CDH12: variants seen among roughly 807,000 people sequenced by gnomAD.
The protein encoded by CDH12 is cadherin 12.
A neutral mutation model predicts 74.1 loss-of-function variants in CDH12; 41 were observed. The observed-to-expected ratio is 0.55, with a 90% CI of 0.43 to 0.72. The LOEUF is 0.72. Ranked by LOEUF, CDH12 falls within the 30% of genes least tolerant of loss-of-function variation. The probability of loss-of-function intolerance (pLI) is 0.00; values close to 1 mark genes in which losing one functional copy is unlikely to be tolerated. For synonymous variants in CDH12, 399 were observed against 355.0 expected (o/e 1.12, Z -1.39); for missense variants, 945 against 977.2 (o/e 0.97, Z 0.44).
At chr5:22,582,717 A>T (rs751299683) in intron 1 of CDH12, among the ~76,000 whole-genome samples, 1 of 152,176 alleles carries the variant, frequency 6.6e-6, no homozygotes, top group East Asian at 1.9e-4. Context: ...ATTACTATGT[A>T]ACACATTAGG....
chr5:22,525,949 G>A (rs1737254076), intron 1 of CDH12, among the ~76,000 whole-genome samples: 1 of 152,158 alleles, frequency 6.6e-6, no homozygotes, highest in Non-Finnish European at 1.5e-5. Context: ...GAAACTTACA[G>A]TATTTATCTC....
At chr5:22,464,103 C>G (rs1262337784) in intron 2 of CDH12, among the ~76,000 whole-genome samples, 3 of 152,122 alleles carry the variant, frequency 2.0e-5, no homozygotes, top group Non-Finnish European at 4.4e-5. Context: ...GCATATGAGT[C>G]TCACAAGATC....
Position 22,552,288 on chromosome 5 carries a change from C to T in CDH12, c.-522-46924G>A, listed in dbSNP as rs561304241. Among the ~76,000 whole-genome samples the T allele has an allele frequency of 2.6e-4, 40 of 152,112 alleles. No individual in the cohort carries two copies. In the South Asian group the frequency reaches 8.3e-3, roughly 32 times the overall value. On this transcript the variant is annotated intron_variant, in intron 1 of 14. Coordinates refer to ENST00000382254, the MANE Select transcript of CDH12 (RefSeq NM_004061.5). ...GTTGCTTTTTTAAAACAAAACAAAACAAAAACGAAAACAAACAAACATATC... is the reference window on the plus strand; with the variant it reads ...GTTGCTTTTTTAAAACAAAACAAAATAAAAACGAAAACAAACAAACATATC...
Position 22,646,500 on chromosome 5 carries a change from T to A in CDH12, c.-522-141136A>T, listed in dbSNP as rs190034974. Among the ~76,000 whole-genome samples the A allele has an allele frequency of 5.8e-4, 88 of 151,956 alleles. No homozygotes were observed. The East Asian group carries it at 8.9e-3, about 15-fold the overall frequency. Reference sequence around the variant, plus strand: ...ACTCAATATTCATTTGTGCCTCACCTTTCTCCTTCCTGAAGGAGAGGATTA... The same window carrying A: ...ACTCAATATTCATTTGTGCCTCACCATTCTCCTTCCTGAAGGAGAGGATTA... On this transcript the variant is annotated intron_variant, in intron 1 of 14. Transcript: ENST00000382254.
chr5:22,258,792 G>A (rs1580454967), intron 3 of CDH12, among the ~76,000 whole-genome samples: 2 of 152,222 alleles, frequency 1.3e-5, no homozygotes, highest in African/African-American at 2.4e-5. Flanking sequence ...TTGGAGACTA[G>A]GAGCAATAGG....
Position 22,800,571 on chromosome 5 carries a change from T to C in CDH12, c.-523+52487A>G, listed in dbSNP as rs4701305. ...ATTGACACAATCAATGTTTATAGTT[T>C]ACCATTAGGGTTCACTCTTGGTGTT... On this transcript the variant is annotated intron_variant, in intron 1 of 14. Transcript: ENST00000382254. Among the ~76,000 whole-genome samples, 156 of 152,268 alleles carry C rather than the reference T, an allele frequency of 1.0e-3. 2 individuals are homozygous for C. The highest frequency in any genetic ancestry group is 6.7e-3 in the Admixed American group (103 of 15,286).
At chr5:22,618,440 G>C (rs1250917941) in intron 1 of CDH12, among the ~76,000 whole-genome samples, 1 of 152,026 alleles carries the variant, frequency 6.6e-6, no homozygotes, top group Non-Finnish European at 1.5e-5. Flanking sequence ...TTCACACTTG[G>C]GAGCTCAAAG....
At chr5:21,957,097 C>T (rs1398875049) in intron 6 of CDH12, among the ~76,000 whole-genome samples, 1 of 152,098 alleles carries the variant, frequency 6.6e-6, no homozygotes, top group Admixed American at 6.6e-5. Flanking sequence ...CCGGTGTCTG[C>T]TGTTCCATTC....
chr5:22,543,932 T>C (rs886604488), intron 1 of CDH12, among the ~76,000 whole-genome samples: 7 of 152,152 alleles, frequency 4.6e-5, no homozygotes, highest in African/African-American at 1.7e-4. Flanking sequence ...TAGCTCCTGA[T>C]GTGCCTAACA....
chr5:22,679,115 C>G (rs1402068481), intron 1 of CDH12, among the ~76,000 whole-genome samples: 1 of 152,068 alleles, frequency 6.6e-6, no homozygotes, highest in Non-Finnish European at 1.5e-5. Context: ...ACATACGCCT[C>G]TAGGCATACT....
At chr5:22,257,418 T>C (rs897992138) in intron 3 of CDH12, among the ~76,000 whole-genome samples, 11 of 152,040 alleles carry the variant, frequency 7.2e-5, no homozygotes, top group Admixed American at 2.6e-4. Flanking sequence ...TTTTTGTACA[T>C]CTGTACAATG....
At chr5:22,641,711 C>T (rs978093239) in intron 1 of CDH12, among the ~76,000 whole-genome samples, 1 of 152,146 alleles carries the variant, frequency 6.6e-6, no homozygotes, top group Non-Finnish European at 1.5e-5. Context: ...CGTTACTTGG[C>T]CAACTCTTTC....
intron 6 of CDH12, among the ~76,000 whole-genome samples, chr5:21,880,658 T>A (rs951703904): frequency 7.2e-6 from 1 of 138,208 alleles, no homozygotes; most frequent in Non-Finnish European, 1.6e-5. Context: ...TTTCTTTCTT[T>A]CTTTCTTTCT....
At chr5:22,580,131 C>A in intron 1 of CDH12, 1 of 258,536 alleles carries the variant, frequency 3.9e-6, no homozygotes, top group Non-Finnish European at 7.7e-6. Context: ...GGACCTCATA[C>A]CATTTTCCTG....
chr5:21,883,604 G>T (rs1392825723), intron 6 of CDH12: 34 of 1,605,164 alleles, frequency 2.1e-5, no homozygotes, highest in Non-Finnish European at 2.6e-5. Context: ...AAGATGTTCA[G>T]CCTCATGACT....
intron 1 of CDH12, among the ~76,000 whole-genome samples, chr5:22,596,944 G>T (rs1457347383): frequency 1.3e-5 from 2 of 152,006 alleles, no homozygotes; most frequent in African/African-American, 4.8e-5. Context: ...AAATATCCAG[G>T]GCCAAAGCCT....
intron 5 of CDH12, among the ~76,000 whole-genome samples, chr5:22,027,581 G>T (rs2150168640): frequency 6.6e-6 from 1 of 152,254 alleles, no homozygotes; most frequent in South Asian, 2.1e-4. Flanking sequence ...ATTTCTTCTA[G>T]ATTTTCTAGT....
chr5:22,654,216 TTTTGTTTC>T lies in CDH12; in HGVS notation c.-522-148860_-522-148853del, dbSNP rs773717837. ...TTCTTTCTTTTCTTTCTTTCTTTCT[TTTTGTTTC>T]TTTGTTTCTTTGTTTCTTTCTTTCT... On this transcript the variant is annotated intron_variant, in intron 1 of 14. Coordinates refer to ENST00000382254, the MANE Select transcript of CDH12 (RefSeq NM_004061.5). Among the ~76,000 whole-genome samples the T allele has an allele frequency of 9.3e-4, 141 of 151,526 alleles. 1 individual carries two copies. The highest frequency in any genetic ancestry group is 2.9e-3 in the South Asian group (14 of 4,804).
intron 4 of CDH12, among the ~76,000 whole-genome samples, chr5:22,093,023 T>G (rs1006764841): frequency 2.0e-5 from 3 of 152,078 alleles, no homozygotes; most frequent in Admixed American, 6.6e-5. Context: ...GCACATCCCT[T>G]GCAGCATGGG....
Sources: allele counts gnomAD v4.1 joint callset (sites outside exome capture counted in the v4.1 genomes callset), GRCh38; gene constraint gnomAD v4.1.1; transcripts MANE v1.5; gene names NCBI Gene and HGNC (gene_info 2026-07-23, HGNC 2026-07-21).